The following DRAM2 variants were observed in gnomAD, a reference collection of about 807,000 sequenced individuals.
DRAM2 encodes the protein DNA damage regulated autophagy modulator 2.
DRAM2 carries 26 observed loss-of-function variants against 33.5 expected under a neutral mutation model. That is an observed-to-expected ratio of 0.78 (90% confidence interval 0.57 to 1.08). The LOEUF is 1.08. DRAM2 is among the 50% of genes least tolerant of loss of function. DRAM2 has a pLI of 0.00. For synonymous variants in DRAM2, 98 were observed against 109.5 expected (o/e 0.89, Z 0.66); for missense variants, 311 against 318.1 (o/e 0.98, Z 0.17).
Position 111,118,884 on chromosome 1 carries a change from T to C in DRAM2, c.614A>G (p.His205Arg). 1.2e-6 allele frequency: 2 copies of C among 1,608,708 alleles called. No individual in the cohort carries two copies. The highest frequency in any genetic ancestry group is 1.7e-6 in the Non-Finnish European group (2 of 1,176,880). The change falls in exon 9 of 10, where the codon CAC (histidine) becomes CGC (arginine). Residue 205 changes from histidine (H) to arginine (R), a missense_variant. His to Arg is a conservative substitution (Grantham distance 29). Coordinates refer to ENST00000484310, the MANE Select transcript of DRAM2 (RefSeq NM_001349884.2). ...WNPEDKGYVLHMITTAAEWSM... is the reference protein window; with the variant it reads ...WNPEDKGYVLRMITTAAEWSM... Reference sequence around the variant, plus strand: ...CCATTCTGCTGCAGTAGTGATCATGTGAAGCACATAACCCTGAGTGATGGG... The same window carrying C: ...CCATTCTGCTGCAGTAGTGATCATGCGAAGCACATAACCCTGAGTGATGGG...
chr1:111,135,426 C>A (rs957013708), intron 3 of DRAM2, among the ~76,000 whole-genome samples: 1 of 152,158 alleles, frequency 6.6e-6, no homozygotes, highest in African/African-American at 2.4e-5. Flanking sequence ...GTATACTACT[C>A]TAGTTTCAGC....
chr1:111,118,580 T>A (rs1649375059), intron 9 of DRAM2: 1 of 472,378 alleles, frequency 2.1e-6, no homozygotes, highest in Non-Finnish European at 3.7e-6. Flanking sequence ...TGAAATTTAT[T>A]TTATAGCCCC....
chr1:111,120,633 A>C lies in DRAM2; in HGVS notation c.400T>G (p.Leu134Val), dbSNP rs1187680851. 1 of 1,611,234 alleles carries C rather than the reference A, an allele frequency of 6.2e-7. No individual in the cohort carries two copies. Among genetic ancestry groups the C allele is most frequent in the South Asian group, 1.1e-5 (1 of 90,794 alleles). Reference protein sequence around the residue: ...GAVLTFGMGSLYMFVQTILSY... With the variant: ...GAVLTFGMGSVYMFVQTILSY... ...AGGATGGTCTGAACAAACATATATA[A>C]TGAGCCCATACCAAAGGTAAGCACA... The change falls in exon 7 of 10, where the codon TTA becomes GTA. Residue 134 changes from leucine to valine, a missense_variant. Transcript: ENST00000484310.
chr1:111,119,970 A>AT lies in DRAM2; in HGVS notation c.518-12dup. 1 of 1,610,074 alleles carries AT rather than the reference A, an allele frequency of 6.2e-7. No individual in the cohort carries two copies. Among genetic ancestry groups the AT allele is most frequent in the Non-Finnish European group, 8.5e-7 (1 of 1,177,000 alleles). On this transcript the variant is annotated splice_polypyrimidine_tract_variant and intron_variant, in intron 7 of 9. Transcript: ENST00000484310. Reference sequence around the variant, plus strand: ...ATGAGCAAGTCAGCACTATAAAAACATAAGTCAAGGAAGAATCTCAGAGAC... The same window carrying AT: ...ATGAGCAAGTCAGCACTATAAAAACATTAAGTCAAGGAAGAATCTCAGAGAC...
In DRAM2 at chr1:111,123,132, A is replaced by G. The variant is rs1477134674; in HGVS notation, c.339+1610T>C. ...TTCTCCAAAACATTTTTTAATAATG[A>G]GCTACAGAAACTGATTAGGGAAGGC... On this transcript the variant is annotated intron_variant, in intron 6 of 9. Coordinates refer to ENST00000484310, the MANE Select transcript of DRAM2 (RefSeq NM_001349884.2). Among the ~76,000 whole-genome samples, 7 of 152,316 alleles carry G rather than the reference A, an allele frequency of 4.6e-5. No individual in the cohort carries two copies. In the East Asian group the frequency reaches 1.3e-3, roughly 29 times the overall value.
At chr1:111,127,356 TA>T (rs1428095476) in intron 4 of DRAM2, among the ~76,000 whole-genome samples, 3 of 152,024 alleles carry the variant, frequency 2.0e-5, no homozygotes, top group Non-Finnish European at 4.4e-5. Context: ...TAAGAATCCA[TA>T]ACATATAGTA....
At position 111,124,838 on chromosome 1, in the gene DRAM2, C is replaced by T; in HGVS notation, c.243G>A (p.Leu81=). 1 of 1,613,334 alleles carries T rather than the reference C, an allele frequency of 6.2e-7. No individual in the cohort carries two copies. Among genetic ancestry groups the T allele is most frequent in the Non-Finnish European group, 8.5e-7 (1 of 1,179,646 alleles). Residue 81 remains leucine, a synonymous_variant, in exon 6 of 10, where the codon CTG becomes CTA. Coordinates refer to ENST00000484310, the MANE Select transcript of DRAM2 (RefSeq NM_001349884.2). ...IYVRYKQVHA[L]SPEENVIIKL... is the part of the protein sequence containing the mutation. ...TGATGATAACGTTCTCTTCAGGACT[C>T]AGAGCATGAACTTGCTTATAACGAA...
chr1:111,129,002 C>T (rs1274482995), intron 4 of DRAM2, among the ~76,000 whole-genome samples: 1 of 152,090 alleles, frequency 6.6e-6, no homozygotes. Context: ...CGAATTGGAA[C>T]CTTAAATTCT....
intron 8 of DRAM2, among the ~76,000 whole-genome samples, chr1:111,119,107 G>A (rs933727212): frequency 1.3e-5 from 2 of 151,794 alleles, no homozygotes; most frequent in Non-Finnish European, 2.9e-5. Flanking sequence ...CACTGGGAGC[G>A]AATAAAATTT....
At chr1:111,120,352 TA>T (rs1394458430) in intron 7 of DRAM2, among the ~76,000 whole-genome samples, 163 bp downstream of exon 7, 1 of 135,016 alleles carries the variant, frequency 7.4e-6, no homozygotes, top group Non-Finnish European at 1.5e-5. Context: ...TTCTTTAGTT[TA>T]GGATTGTGAA....
At chr1:111,128,134 C>CTTTTTTTTTTTT (rs35509678) in intron 4 of DRAM2, 2 of 102,302 alleles carry the variant, frequency 2.0e-5, no homozygotes, top group Non-Finnish European at 4.0e-5. Context: ...TTCTTCGTTT[C>CTTTTTTTTTTTT]TTTTTTTTTT....
intron 2 of DRAM2, among the ~76,000 whole-genome samples, chr1:111,138,067 G>T (rs1159318809): frequency 6.6e-6 from 1 of 152,180 alleles, no homozygotes; most frequent in Non-Finnish European, 1.5e-5. Context: ...TCAAACAGTT[G>T]TTCCTTGGAG....
At chr1:111,124,043 T>A (rs1189155669) in intron 6 of DRAM2, among the ~76,000 whole-genome samples, 4 of 152,104 alleles carry the variant, frequency 2.6e-5, no homozygotes, top group African/African-American at 9.7e-5. Flanking sequence ...TTAACCAGAA[T>A]CCCTTCTTAA....
Position 111,131,419 on chromosome 1 carries a change from C to T in DRAM2, c.131+5G>A, listed in dbSNP as rs759934644. 1 of 1,611,522 alleles carries T rather than the reference C, an allele frequency of 6.2e-7. No homozygotes were observed. Among genetic ancestry groups the T allele is most frequent in the South Asian group, 1.1e-5 (1 of 90,798 alleles). ...TCTCCTATACAAAGAATACATTTCA[C>T]TTACCTGATATAAGGTAAAGCCGGG... is the stretch of plus-strand genomic sequence containing the variant. On this transcript the variant is annotated splice_donor_5th_base_variant and intron_variant, in intron 4 of 9. Coordinates refer to ENST00000484310, the MANE Select transcript of DRAM2 (RefSeq NM_001349884.2).
chr1:111,130,444 G>A (rs1191619047), intron 4 of DRAM2, among the ~76,000 whole-genome samples: 1 of 152,170 alleles, frequency 6.6e-6, no homozygotes, highest in Non-Finnish European at 1.5e-5. Context: ...AGTGGCTCAC[G>A]CCTGTAATTC....
In DRAM2 at chr1:111,124,749, T is replaced by C; in HGVS notation, c.332A>G (p.Asn111Ser). The C allele has an allele frequency of 6.2e-7, 1 of 1,613,226 alleles. No homozygotes were observed. Among genetic ancestry groups the C allele is most frequent in the Non-Finnish European group, 8.5e-7 (1 of 1,179,566 alleles). Residue 111 changes from asparagine (N) to serine (S), a missense_variant, in exon 6 of 10, where the codon AAC (asparagine) becomes AGC (serine). Coordinates refer to ENST00000484310, the MANE Select transcript of DRAM2 (RefSeq NM_001349884.2). The part of the protein sequence containing the change: ...LSCLGLSIVA[N>S]FQKTTLFAAH... ...CTGGGCTAAAACACAAACCTGGAAG[T>C]TTGCCACAATAGAAAGTCCTAAACA...
At chr1:111,119,137 A>G (rs191909143) in intron 8 of DRAM2, among the ~76,000 whole-genome samples, 39 of 152,114 alleles carry the variant, frequency 2.6e-4, no homozygotes, top group African/African-American at 8.2e-4. Flanking sequence ...TAGCTAAGAT[A>G]GAACAGGATC....
chr1:111,134,265 G>A (rs1263583861), intron 3 of DRAM2, among the ~76,000 whole-genome samples: 1 of 151,912 alleles, frequency 6.6e-6, no homozygotes. Context: ...CTATGAATGT[G>A]AGAATAATTT....
chr1:111,129,221 T>C (rs749947002), intron 4 of DRAM2, among the ~76,000 whole-genome samples: 1 of 152,096 alleles, frequency 6.6e-6, no homozygotes, highest in South Asian at 2.1e-4. Flanking sequence ...TTTCTGAAGG[T>C]AAACAAATGA....
Sources: allele counts gnomAD v4.1 joint callset (sites outside exome capture counted in the v4.1 genomes callset), GRCh38; gene constraint gnomAD v4.1.1; transcripts MANE v1.5; gene names NCBI Gene and HGNC (gene_info 2026-07-23, HGNC 2026-07-21).